KLHL1: variants seen among roughly 807,000 people sequenced by gnomAD.
The protein encoded by KLHL1 is kelch like family member 1.
KLHL1 carries 47 observed loss-of-function variants against 77.7 expected under a neutral mutation model. The ratio of observed to expected loss-of-function variants is 0.60; its 90% CI spans 0.48 to 0.77. The LOEUF (loss-of-function observed/expected upper bound fraction) is 0.77, where lower values mean the gene tolerates loss of function less well. KLHL1 is among the 30% of genes least tolerant of loss of function. The pLI is 0.00. For missense variants in KLHL1, 925 were observed against 910.8 expected, an observed-to-expected ratio of 1.02 and a Z score of -0.20; for synonymous variants, 360 against 325.2, an observed-to-expected ratio of 1.11 and a Z score of -1.15.
chr13:69,780,101 C>T (rs2138000686), intron 7 of KLHL1, among the ~76,000 whole-genome samples: 1 of 152,264 alleles, frequency 6.6e-6, no homozygotes, highest in African/African-American at 2.4e-5. Context: ...AGCCACCGTG[C>T]CCAGCCATTT....
intron 7 of KLHL1, among the ~76,000 whole-genome samples, chr13:69,769,011 G>A (rs1364356218): frequency 2.0e-5 from 3 of 152,134 alleles, no homozygotes; most frequent in Non-Finnish European, 2.9e-5. Flanking sequence ...AAATGAATAT[G>A]ACTAAGTCTC....
At chr13:70,028,641 T>A (rs1482603793) in intron 1 of KLHL1, among the ~76,000 whole-genome samples, 1 of 152,106 alleles carries the variant, frequency 6.6e-6, no homozygotes, top group South Asian at 2.1e-4. Flanking sequence ...GAGATATTAA[T>A]GAGGGAACAA....
chr13:69,992,370 T>G (rs1221506834), intron 1 of KLHL1, among the ~76,000 whole-genome samples: 16 of 152,030 alleles, frequency 1.1e-4, no homozygotes, highest in Non-Finnish European at 1.5e-5. Flanking sequence ...CCAAAAGAAC[T>G]AACTGATAAG....
At chr13:69,937,696 A>G (rs140320058) in intron 4 of KLHL1, among the ~76,000 whole-genome samples, 1 of 152,240 alleles carries the variant, frequency 6.6e-6, no homozygotes, top group East Asian at 1.9e-4. Context: ...TGCATGATTC[A>G]TTGCCAAGCT....
chr13:69,979,928 T>C (rs1373526804), intron 1 of KLHL1, among the ~76,000 whole-genome samples: 1 of 152,192 alleles, frequency 6.6e-6, no homozygotes, highest in Non-Finnish European at 1.5e-5. Context: ...CATCTTAACT[T>C]CAGTTCCTGA....
chr13:69,921,922 T>C (rs1882653823), intron 4 of KLHL1, among the ~76,000 whole-genome samples: 1 of 35,248 alleles, frequency 2.8e-5, no homozygotes, highest in South Asian at 7.1e-4. Flanking sequence ...GAATGATTGA[T>C]TTTTTTTTTT....
chr13:69,982,892 A>G (rs1239431432), intron 1 of KLHL1, among the ~76,000 whole-genome samples: 1 of 152,160 alleles, frequency 6.6e-6, no homozygotes, highest in Non-Finnish European at 1.5e-5. Flanking sequence ...AAGAAAGGAC[A>G]TTCAAACTGA....
intron 4 of KLHL1, among the ~76,000 whole-genome samples, chr13:69,935,235 C>CACTGGTGAGCTTGGTACATAGTTCACCT (rs1883147130): frequency 7.3e-6 from 1 of 137,036 alleles, no homozygotes; most frequent in African/African-American, 3.0e-5. Context: ...ATAGTTCACC[C>CACTGGTGAGCTTGGTACATAGTTCACCT]ACTGGTGAAC....
chr13:70,009,214 A>C (rs1291941922), intron 1 of KLHL1, among the ~76,000 whole-genome samples: 1 of 152,146 alleles, frequency 6.6e-6, no homozygotes, highest in African/African-American at 2.4e-5. Flanking sequence ...ACAGTGTCGT[A>C]GTGCTTTGAA....
In KLHL1 at chr13:69,719,445, C is replaced by A; in HGVS notation, c.1939G>T (p.Gly647Cys). 1 of 1,613,512 alleles carries A rather than the reference C, an allele frequency of 6.2e-7. No individual in the cohort carries two copies. The highest frequency in any genetic ancestry group is 8.5e-7 in the Non-Finnish European group (1 of 1,179,736). Residue 647 changes from glycine to cysteine, a missense_variant, in exon 9 of 11, where the codon GGT becomes TGT. Coordinates refer to ENST00000377844, the MANE Select transcript of KLHL1 (RefSeq NM_020866.3). ...TGACCTCCTACTGCATAAAGAAAAC[C>A]GTCACATGTGGCCACTCCGACACCC... is the stretch of plus-strand genomic sequence containing the variant. ...RGGVGVATCD[G>C]FLYAVGGHDA...
intron 1 of KLHL1, among the ~76,000 whole-genome samples, chr13:69,981,792 TAAA>T (rs1022278029): frequency 6.8e-6 from 1 of 146,670 alleles, no homozygotes; most frequent in Non-Finnish European, 1.5e-5. Flanking sequence ...GTGCCCAAAA[TAAA>T]AAAAAATCTA....
rs1038153795 is a variant in KLHL1 at position 70,107,885 on chromosome 13, G to A, written c.-186C>T. On this transcript the variant is annotated 5_prime_UTR_variant, in exon 1 of 11. Transcript: ENST00000377844. ...CGAAGGCTGGAGCGCAGACGGCAAA[G>A]CCGCGCGTTTCAGCCGTGGTCGGGT... 1.8e-6 allele frequency: 1 copy of A among 541,664 alleles called. No individual in the cohort carries two copies. The highest frequency in any genetic ancestry group is 3.2e-6 in the Non-Finnish European group (1 of 314,414). 33.6% of individuals were successfully genotyped at this position (541,664 alleles called of 1,614,324 possible).
chr13:69,913,424 T>A (rs2138248178), intron 4 of KLHL1, among the ~76,000 whole-genome samples: 1 of 152,324 alleles, frequency 6.6e-6, no homozygotes, highest in African/African-American at 2.4e-5. Context: ...GGGCAGGGTC[T>A]CTTCCTCATA....
In KLHL1 at chr13:70,075,161, C is replaced by T. The variant is rs935394369; in HGVS notation, c.497+32042G>A. ...GCTAGATGATTGAGACTTAAATACT[C>T]TCTTCATAGGGAAGAGATGTATGGA... On this transcript the variant is annotated intron_variant, in intron 1 of 10. Transcript: ENST00000377844. 7.2e-5 allele frequency among the ~76,000 whole-genome samples: 11 copies of T among 151,824 alleles called. 1 individual carries two copies. In the East Asian group the frequency reaches 1.6e-3, roughly 21 times the overall value.
intron 9 of KLHL1, among the ~76,000 whole-genome samples, chr13:69,712,916 C>A (rs556818339): frequency 1.3e-5 from 2 of 151,878 alleles, no homozygotes; most frequent in East Asian, 1.9e-4. Context: ...CTCAAGCAAA[C>A]CTTCCACCTT....
intron 2 of KLHL1, among the ~76,000 whole-genome samples, chr13:69,972,930 T>A (rs1313567341): frequency 2.0e-5 from 3 of 151,902 alleles, no homozygotes; most frequent in African/African-American, 4.8e-5. Context: ...CTATAAAAAA[T>A]TTTTGATGTT....
At chr13:69,912,227 A>T (rs1451347428) in intron 4 of KLHL1, among the ~76,000 whole-genome samples, 1 of 152,174 alleles carries the variant, frequency 6.6e-6, no homozygotes, top group Non-Finnish European at 1.5e-5. Flanking sequence ...GAGTGGAAAA[A>T]GTTGATAATT....
intron 1 of KLHL1, among the ~76,000 whole-genome samples, chr13:70,035,704 C>T (rs1206837104): frequency 1.3e-5 from 2 of 151,826 alleles, no homozygotes; most frequent in Admixed American, 6.6e-5. Flanking sequence ...GCAGCAGGAG[C>T]ACATGTGCCT....
intron 5 of KLHL1, among the ~76,000 whole-genome samples, chr13:69,861,248 T>C (rs1880144766): frequency 6.6e-6 from 1 of 152,090 alleles, no homozygotes; most frequent in African/African-American, 2.4e-5. Context: ...CCAGATTATC[T>C]GCTGAAAAAG....
Sources: allele counts gnomAD v4.1 joint callset (sites outside exome capture counted in the v4.1 genomes callset), GRCh38; gene constraint gnomAD v4.1.1; transcripts MANE v1.5; gene names NCBI Gene and HGNC (gene_info 2026-07-23, HGNC 2026-07-21).